CYP19A1: variants seen among roughly 807,000 people sequenced by gnomAD.
CYP19A1 encodes the protein aromatase.
Under a neutral mutation model 44.4 loss-of-function variants are expected in CYP19A1, and 32 were observed. The ratio of observed to expected loss-of-function variants is 0.72; its 90% confidence interval spans 0.54 to 0.97. The LOEUF (loss-of-function observed/expected upper bound fraction) is 0.97. Ranked by LOEUF, CYP19A1 falls within the 50% of genes least tolerant of loss-of-function variation. CYP19A1 has a pLI of 0.00. For missense variants in CYP19A1, 598 were observed against 637.8 expected, an observed-to-expected ratio of 0.94 and a Z score of 0.67; for synonymous variants, 212 against 215.6, an observed-to-expected ratio of 0.98 and a Z score of 0.14.
At chr15:51,294,758 C>T (rs1566916003) in intron 1 of CYP19A1, among the ~76,000 whole-genome samples, 1 of 151,136 alleles carries the variant, frequency 6.6e-6, no homozygotes. Context: ...GCGCCTCTGC[C>T]CGGCTGCCCC....
rs1353616937 is a variant in CYP19A1, at chr15:51,215,835, A to G, written c.744-18T>C. 6.2e-7 allele frequency: 1 copy of G among 1,612,966 alleles called. No homozygotes were observed. ...AATCCTTGCTGGAAAAAAAGTCAAA[A>G]TATTGTCTATTTTTACTCAGTTTAG... On this transcript the variant is annotated intron_variant, in intron 6 of 9. Transcript: ENST00000396402.
chr15:51,249,132 G>A (rs949574503), intron 1 of CYP19A1, among the ~76,000 whole-genome samples: 2 of 152,016 alleles, frequency 1.3e-5, no homozygotes, highest in Non-Finnish European at 2.9e-5. Context: ...TAGAGACAGA[G>A]TTATCATCAT....
intron 1 of CYP19A1, among the ~76,000 whole-genome samples, chr15:51,331,508 C>T (rs1439673221): frequency 6.6e-6 from 1 of 152,152 alleles, no homozygotes. Context: ...TAAATACTGA[C>T]CCAGAAGGAG....
At chr15:51,280,333 C>T (rs1382149205) in intron 1 of CYP19A1, among the ~76,000 whole-genome samples, 4 of 151,746 alleles carry the variant, frequency 2.6e-5, no homozygotes, top group African/African-American at 4.8e-5. Context: ...CTCCTGACCT[C>T]GTGATCCACC....
At chr15:51,297,462 A>G (rs1005080113) in intron 1 of CYP19A1, among the ~76,000 whole-genome samples, 3 of 152,130 alleles carry the variant, frequency 2.0e-5, no homozygotes, top group Admixed American at 2.0e-4. Flanking sequence ...TCAAGCGTTC[A>G]ATGCCTTCCT....
chr15:51,269,930 T>C lies in CYP19A1; in HGVS notation c.-38-26980A>G, dbSNP rs144653149. On this transcript the variant is annotated intron_variant, in intron 1 of 9. Transcript: ENST00000396402. Reference sequence around the variant, plus strand: ...CATTTGCCCCTGTAAACCTCTTGTATGTTTAATGCAGTCTTGCCAACTGCT... The same window carrying C: ...CATTTGCCCCTGTAAACCTCTTGTACGTTTAATGCAGTCTTGCCAACTGCT... Among the ~76,000 whole-genome samples the C allele has an allele frequency of 5.6e-3, 855 of 152,328 alleles. 7 individuals carry two copies. The highest frequency in any genetic ancestry group is 0.013 in the Admixed American group (197 of 15,306).
At chr15:51,295,885 G>C (rs1325869265) in intron 1 of CYP19A1, among the ~76,000 whole-genome samples, 2 of 152,154 alleles carry the variant, frequency 1.3e-5, no homozygotes, top group African/African-American at 4.8e-5. Context: ...AAGTGACACA[G>C]TCAAATGTGG....
intron 1 of CYP19A1, among the ~76,000 whole-genome samples, chr15:51,325,437 A>G (rs1320037717): frequency 2.0e-5 from 3 of 152,170 alleles, no homozygotes; most frequent in Non-Finnish European, 4.4e-5. Flanking sequence ...AGAGTATGAC[A>G]CTAACCATGA....
At chr15:51,213,425 C>T (rs896307057) in intron 8 of CYP19A1, among the ~76,000 whole-genome samples, 31 of 152,276 alleles carry the variant, frequency 2.0e-4, no homozygotes, top group African/African-American at 5.3e-4. Flanking sequence ...TCATATACAA[C>T]GAAGCCACTG....
At chr15:51,274,981 TCTCC>T (rs1312343404) in intron 1 of CYP19A1, among the ~76,000 whole-genome samples, 1 of 152,114 alleles carries the variant, frequency 6.6e-6, no homozygotes, top group Non-Finnish European at 1.5e-5. Context: ...ACACCTGGGC[TCTCC>T]CTCCTTCACC....
intron 3 of CYP19A1, among the ~76,000 whole-genome samples, chr15:51,230,874 C>T (rs1359176984): frequency 6.6e-6 from 1 of 152,096 alleles, no homozygotes; most frequent in Non-Finnish European, 1.5e-5. Flanking sequence ...CACCCACTTT[C>T]ACCTCCCAAA....
At chr15:51,296,887 A>G (rs2036006017) in intron 1 of CYP19A1, among the ~76,000 whole-genome samples, 1 of 152,190 alleles carries the variant, frequency 6.6e-6, no homozygotes, top group Non-Finnish European at 1.5e-5. Context: ...TTTAAGAAAA[A>G]TGAAGTATTT....
chr15:51,229,117 A>G lies in CYP19A1; in HGVS notation c.297-1184T>C, dbSNP rs917360547. 2.0e-5 allele frequency among the ~76,000 whole-genome samples: 3 copies of G among 152,234 alleles called. No homozygotes were observed. The East Asian group carries it at 5.8e-4, about 29-fold the overall frequency. ...CAATGTATTAGGTTGTGGGCTAAGT[A>G]TTAATCCAGCTCTCACATCTGCGAT... On this transcript the variant is annotated intron_variant, in intron 3 of 9. Coordinates refer to ENST00000396402, the MANE Select transcript of CYP19A1 (RefSeq NM_000103.4).
chr15:51,256,072 A>T lies in CYP19A1; in HGVS notation c.-38-13122T>A, dbSNP rs60299875. Among the ~76,000 whole-genome samples the T allele has an allele frequency of 4.4e-3, 669 of 152,348 alleles. 4 individuals carry two copies. The highest frequency in any genetic ancestry group is 0.015 in the African/African-American group (637 of 41,576). On this transcript the variant is annotated intron_variant, in intron 1 of 9. Transcript: ENST00000396402. ...TAATGTTTTCCACCAACAAATGCTT[A>T]ATGGGCAAGGCAGAGTATCTTTATC...
intron 1 of CYP19A1, among the ~76,000 whole-genome samples, chr15:51,300,465 GT>G (rs1307267314): frequency 5.3e-5 from 8 of 152,338 alleles, no homozygotes; most frequent in African/African-American, 1.7e-4. Context: ...ATGATTGGGT[GT>G]GATAGAGGTT....
intron 1 of CYP19A1, among the ~76,000 whole-genome samples, chr15:51,289,596 C>T (rs2035795651): frequency 6.6e-6 from 1 of 152,190 alleles, no homozygotes; most frequent in African/African-American, 2.4e-5. Flanking sequence ...TTGCCTGCAG[C>T]TTCCCACTGT....
intron 1 of CYP19A1, among the ~76,000 whole-genome samples, chr15:51,261,151 C>G (rs564825187): frequency 1.8e-4 from 28 of 152,316 alleles, no homozygotes; most frequent in African/African-American, 5.8e-4. Context: ...GAGCTGAACA[C>G]TAGTTGCTGG....
chr15:51,257,482 C>T (rs1363595110), intron 1 of CYP19A1, among the ~76,000 whole-genome samples: 1 of 152,164 alleles, frequency 6.6e-6, no homozygotes, highest in Non-Finnish European at 1.5e-5. Context: ...AACTGGTCTC[C>T]CACAACCTCG....
At chr15:51,226,535 C>T (rs747894831) in intron 4 of CYP19A1, among the ~76,000 whole-genome samples, 12 of 152,122 alleles carry the variant, frequency 7.9e-5, no homozygotes, top group Non-Finnish European at 1.5e-4. Context: ...GGCTCAACAC[C>T]CAGTGGGCAG....
Sources: gnomAD v4.1 joint callset for allele counts (sites outside exome capture counted in the v4.1 genomes callset) on GRCh38, gnomAD v4.1.1 for gene constraint, MANE v1.5 for transcripts, NCBI Gene and HGNC (gene_info 2026-07-23, HGNC 2026-07-21) for gene names.